FAM163B: variants seen among roughly 807,000 people sequenced by gnomAD.
FAM163B encodes the protein protein FAM163B.
A neutral mutation model predicts 7.6 loss-of-function variants in FAM163B; 4 were observed. The observed-to-expected ratio is 0.52, with a 90% confidence interval of 0.26 to 1.20. The LOEUF (loss-of-function observed/expected upper bound fraction) is 1.20. Ranked by LOEUF, FAM163B falls within the 50% of genes most tolerant of loss-of-function variation. FAM163B has a pLI of 0.14. For synonymous variants in FAM163B, 120 were observed against 111.6 expected (o/e 1.07, Z -0.47); for missense variants, 250 against 243.0 (o/e 1.03, Z -0.19).
chr9:133,600,104 T>G lies in FAM163B; in HGVS notation c.-24+8973A>C, dbSNP rs1241162271. Among the ~76,000 whole-genome samples the G allele has an allele frequency of 6.6e-6, 1 of 150,662 alleles. No homozygotes were observed. Among genetic ancestry groups the G allele is most frequent in the Non-Finnish European group, 1.5e-5 (1 of 67,672 alleles). Reference sequence around the variant, plus strand: ...GTCTGTGTGCATGTGTGCCTCTGAATGTGTGTGGTCTATGTGTATGTGTGT... The same window carrying G: ...GTCTGTGTGCATGTGTGCCTCTGAAGGTGTGTGGTCTATGTGTATGTGTGT... On this transcript the variant is annotated intron_variant, in intron 1 of 2. Transcript: ENST00000673969. The surrounding 1 kb of genome is among the most constrained non-coding windows in gnomAD (Gnocchi z 4.9).
intron 1 of FAM163B, among the ~76,000 whole-genome samples, chr9:133,604,759 ATGCTGC>A (rs57205982): frequency 0.077 from 11,745 of 151,628 alleles, 1,500 homozygotes; most frequent in African/African-American, 0.27. Flanking sequence ...GTTCCTAGGG[ATGCTGC>A]TGCTGCTGCT....
chr9:133,590,125 TCCCCTTCCCC>T (rs1831525200), intron 1 of FAM163B, among the ~76,000 whole-genome samples: 9 of 16,270 alleles, frequency 5.5e-4, no homozygotes, highest in East Asian at 0.014. Flanking sequence ...CCCCTTCCCC[TCCCCTTCCCC>T]TCCCCTTCCC....
At chr9:133,589,242 A>G (rs888416871) in intron 1 of FAM163B, among the ~76,000 whole-genome samples, 5 of 152,124 alleles carry the variant, frequency 3.3e-5, no homozygotes, top group African/African-American at 4.8e-5. Flanking sequence ...TAATAATAAT[A>G]AGCACAGGAT....
At chr9:133,589,027 C>T (rs911142729) in intron 1 of FAM163B, among the ~76,000 whole-genome samples, 2 of 152,150 alleles carry the variant, frequency 1.3e-5, no homozygotes, top group Admixed American at 6.5e-5. Flanking sequence ...CAACTGTTGA[C>T]ATTGATGATT....
At position 133,587,960 on chromosome 9, in the gene FAM163B, GGC is replaced by G. The variant is rs1588325433; in HGVS notation, c.-23-7716_-23-7715del. ...GAGAAAAAGGTGATGGGCGAACGGG[GGC>G]GCGAACGGGGGGCGAGCCTGGGAGG... On this transcript the variant is annotated intron_variant, in intron 1 of 2. Transcript: ENST00000673969. 2.6e-5 allele frequency among the ~76,000 whole-genome samples: 4 copies of G among 151,638 alleles called. No individual in the cohort carries two copies. The East Asian group carries it at 5.8e-4, about 22-fold the overall frequency.
Position 133,579,331 on chromosome 9 carries a change from C to T in FAM163B, c.192G>A (p.Leu64=). 1 of 1,613,742 alleles carries T rather than the reference C, an allele frequency of 6.2e-7. No individual in the cohort carries two copies. The highest frequency in any genetic ancestry group is 8.5e-7 in the Non-Finnish European group (1 of 1,179,952). Residue 64 remains leucine, a synonymous_variant, in exon 3 of 3, where the codon CTG becomes CTA. Coordinates refer to ENST00000673969, the MANE Select transcript of FAM163B (RefSeq NM_001080515.3). ...AGAGCGCCGGCCCGTTGGTCAGCAC[C>T]AGGTTGCGGTTGGAGTGCAGCGGGG... is the stretch of plus-strand genomic sequence containing the variant. ...HLPPLHSNRN[L]VLTNGPALYP...
At chr9:133,596,489 T>C (rs1385320928) in intron 1 of FAM163B, among the ~76,000 whole-genome samples, 1 of 152,114 alleles carries the variant, frequency 6.6e-6, no homozygotes, top group African/African-American at 2.4e-5. Context: ...GGCCCAGGCT[T>C]GCCCTCCTGC....
In FAM163B at chr9:133,609,194, C is replaced by T. The variant is rs1831823926; in HGVS notation, c.-141G>A. ...GCGGCGGCCGCTCATGCCCAGGCCACGGCGGTGGCGCCTGGTGTGGCTGGG... is the reference window on the plus strand; with the variant it reads ...GCGGCGGCCGCTCATGCCCAGGCCATGGCGGTGGCGCCTGGTGTGGCTGGG... On this transcript the variant is annotated 5_prime_UTR_variant, in exon 1 of 3. It adds an upstream start codon to the 5' untranslated region. Transcript: ENST00000673969. 6.6e-6 allele frequency among the ~76,000 whole-genome samples: 1 copy of T among 151,720 alleles called. No individual in the cohort carries two copies. The highest frequency in any genetic ancestry group is 2.4e-5 in the African/African-American group (1 of 41,412).
intron 1 of FAM163B, among the ~76,000 whole-genome samples, chr9:133,604,512 G>C (rs1053525445): frequency 6.6e-6 from 1 of 152,016 alleles, no homozygotes; most frequent in East Asian, 1.9e-4. Context: ...ACCAACAAAA[G>C]CTGAATAGCT....
intron 1 of FAM163B, among the ~76,000 whole-genome samples, chr9:133,585,014 G>A (rs1831412330): frequency 6.6e-6 from 1 of 152,240 alleles, no homozygotes; most frequent in African/African-American, 2.4e-5. Flanking sequence ...CCCACCCCGG[G>A]TTTTTACAGG....
chr9:133,601,150 C>G lies in FAM163B; in HGVS notation c.-24+7927G>C, dbSNP rs888559288. On this transcript the variant is annotated intron_variant, in intron 1 of 2. Coordinates refer to ENST00000673969, the MANE Select transcript of FAM163B (RefSeq NM_001080515.3). This position sits in a 1 kb window ranked among gnomAD's most constrained non-coding sequence, Gnocchi z 4.1. ...CTCCTCCTGGAGCCCTGAACACCCA[C>G]TGCCCCATACTAGGCACAGGGGTTA... 1.3e-5 allele frequency among the ~76,000 whole-genome samples: 2 copies of G among 152,210 alleles called. No individual in the cohort carries two copies. The highest frequency in any genetic ancestry group is 2.9e-5 in the Non-Finnish European group (2 of 68,042).
At chr9:133,599,991 G>A (rs889718524) in intron 1 of FAM163B, among the ~76,000 whole-genome samples, 25 of 148,276 alleles carry the variant, frequency 1.7e-4, no homozygotes, top group African/African-American at 5.5e-4. Flanking sequence ...GTGCATATGC[G>A]AATGTGTGTG....
In FAM163B at chr9:133,579,080, CGGTTGG is replaced by C; in HGVS notation, c.437_442del (p.Pro146_Asn147del). ...GAAGGCCTCCCGCATGGCTGAGAGG[CGGTTGG>C]GGTTGAGCGCCTGCAGGCCCCCGAA... On this transcript the variant is annotated inframe_deletion, in exon 3 of 3. Coordinates refer to ENST00000673969, the MANE Select transcript of FAM163B (RefSeq NM_001080515.3). 2 of 1,588,460 alleles carry C rather than the reference CGGTTGG, an allele frequency of 1.3e-6. No homozygotes were observed. Among genetic ancestry groups the C allele is most frequent in the Middle Eastern group, 4.2e-4 (2 of 4,762 alleles).
intron 1 of FAM163B, among the ~76,000 whole-genome samples, chr9:133,592,841 T>C (rs1423821837): frequency 6.6e-6 from 1 of 151,844 alleles, no homozygotes; most frequent in African/African-American, 2.4e-5. Context: ...CCGATGCTGC[T>C]GGAGAGCAAC....
At chr9:133,588,626 A>ATGCTGAAGGATCTAGTG (rs1588325937) in intron 1 of FAM163B, among the ~76,000 whole-genome samples, 2,460 of 20,772 alleles carry the variant, frequency 0.12, 78 homozygotes, top group Middle Eastern at 0.2. Context: ...AGGATCTAGC[A>ATGCTGAAGGATCTAGTG]TGTTGAGGGA....
chr9:133,590,759 G>A (rs948567536), intron 1 of FAM163B, among the ~76,000 whole-genome samples: 7 of 152,132 alleles, frequency 4.6e-5, no homozygotes, highest in African/African-American at 7.2e-5. Context: ...AGCGTGGCCC[G>A]GAAACTCTGC....
intron 1 of FAM163B, among the ~76,000 whole-genome samples, 175 bp downstream of exon 1, chr9:133,608,902 C>T (rs1831820480): frequency 1.3e-5 from 2 of 152,196 alleles, no homozygotes; most frequent in African/African-American, 2.4e-5. Flanking sequence ...CTCGGGGATG[C>T]GCTTTGAGGG....
At chr9:133,604,416 G>C (rs923526801) in intron 1 of FAM163B, among the ~76,000 whole-genome samples, 3 of 151,926 alleles carry the variant, frequency 2.0e-5, no homozygotes. Context: ...TGACACACAC[G>C]TCACTGACAC....
rs1271918605 is a variant in FAM163B, at chr9:133,577,904, C to A, written c.*1118G>T. Among the ~76,000 whole-genome samples the A allele has an allele frequency of 6.6e-6, 1 of 152,140 alleles. No individual in the cohort carries two copies. The highest frequency in any genetic ancestry group is 1.5e-5 in the Non-Finnish European group (1 of 68,024). ...GGTGGAAAGTGGGCTCAGATGAGGT[C>A]TTCAGATGGCAGCAGTAGGCTCTGG... On this transcript the variant is annotated 3_prime_UTR_variant, in exon 3 of 3. Transcript: ENST00000673969.
Sources: allele counts gnomAD v4.1 joint callset (sites outside exome capture counted in the v4.1 genomes callset), GRCh38; gene constraint gnomAD v4.1.1; non-coding constraint Gnocchi (gnomAD v3.1); transcripts MANE v1.5; gene names NCBI Gene and HGNC (gene_info 2026-07-23, HGNC 2026-07-21).